Variants in SHROOM4 observed in about 807,000 individuals in gnomAD.
SHROOM4 encodes protein Shroom4.
SHROOM4 carries 17 observed loss-of-function variants against 80.3 expected under a neutral mutation model. The ratio of observed to expected loss-of-function variants is 0.21; its 90% confidence interval spans 0.14 to 0.32. SHROOM4 has a LOEUF of 0.32. Ranked by LOEUF, SHROOM4 falls within the 10% of genes least tolerant of loss-of-function variation. SHROOM4 has a pLI of 1.00. For synonymous variants in SHROOM4, 400 were observed against 437.5 expected, an observed-to-expected ratio of 0.91 and a Z score of 1.07; for missense variants, 993 against 1,140.3, an observed-to-expected ratio of 0.87 and a Z score of 1.86.
chrX:50,809,472 AC>A (rs1175355139), intron 1 of SHROOM4, among the ~76,000 whole-genome samples: 1 of 112,612 alleles, frequency 8.9e-6, no homozygotes, highest in Non-Finnish European at 1.9e-5. Flanking sequence ...AGGATGGCAA[AC>A]ACTATTAGAG....
intron 5 of SHROOM4, among the ~76,000 whole-genome samples, chrX:50,610,177 CTCT>C (rs1929892290): frequency 9.0e-6 from 1 of 111,582 alleles, no homozygotes; most frequent in African/African-American, 3.3e-5. Flanking sequence ...CTTAATTCTC[CTCT>C]TATCCCTCCC....
rs377328097 is a variant in SHROOM4 at position 50,805,662 on chromosome X, A to G, written c.117+8240T>C. Among the ~76,000 whole-genome samples, 8 of 111,954 alleles carry G rather than the reference A, an allele frequency of 7.1e-5. No homozygotes were observed. In the East Asian group the frequency reaches 2.0e-3, roughly 28 times the overall value. ...CAGCCTTCACACTTCCACAGCCTAG[A>G]CCAAGTAAGGGTCCTTAGCAACCCT... is the stretch of plus-strand genomic sequence containing the variant. On this transcript the variant is annotated intron_variant, in intron 1 of 8. Coordinates refer to ENST00000376020, the MANE Select transcript of SHROOM4 (RefSeq NM_020717.5).
intron 2 of SHROOM4, among the ~76,000 whole-genome samples, chrX:50,665,544 T>C (rs1557260286): frequency 1.8e-5 from 2 of 110,046 alleles, no homozygotes; most frequent in African/African-American, 6.6e-5. Flanking sequence ...CAGAGGTAGG[T>C]AGGTACATCA....
intron 1 of SHROOM4, among the ~76,000 whole-genome samples, chrX:50,740,099 G>A (rs1274946426): frequency 7.4e-4 from 55 of 74,529 alleles, no homozygotes; most frequent in African/African-American, 2.5e-3. Context: ...ACCAAACACC[G>A]CATGTTCTCA....
intron 1 of SHROOM4, among the ~76,000 whole-genome samples, chrX:50,701,766 C>T (rs1933523928): frequency 9.0e-6 from 1 of 111,277 alleles, no homozygotes; most frequent in East Asian, 2.8e-4. Context: ...ATTACAGACC[C>T]AATGAGAGGA....
At chrX:50,585,558 C>T (rs1910015625), downstream of SHROOM4, among the ~76,000 whole-genome samples, 1 of 111,698 alleles carries the variant, frequency 9.0e-6, no homozygotes, top group South Asian at 3.7e-4. Context: ...GGACTTCATC[C>T]TCTGGGCAGC....
chrX:50,796,563 G>C (rs1187801605), intron 1 of SHROOM4, among the ~76,000 whole-genome samples: 1 of 111,453 alleles, frequency 9.0e-6, no homozygotes, highest in Non-Finnish European at 1.9e-5. Flanking sequence ...ACCCACCTCT[G>C]AGATGAACCA....
intron 5 of SHROOM4, among the ~76,000 whole-genome samples, chrX:50,622,734 C>T (rs1045994640): frequency 1.8e-5 from 2 of 112,191 alleles, no homozygotes; most frequent in African/African-American, 6.5e-5. Flanking sequence ...CAGGATTTCT[C>T]CTCACAGATG....
At chrX:50,681,558 T>G (rs1375646856) in intron 2 of SHROOM4, among the ~76,000 whole-genome samples, 1 of 112,167 alleles carries the variant, frequency 8.9e-6, no homozygotes, top group Admixed American at 9.4e-5. Context: ...AATATCTTCA[T>G]AGTGGTCTTC....
chrX:50,726,424 T>C (rs1934244658), intron 1 of SHROOM4, among the ~76,000 whole-genome samples: 1 of 111,040 alleles, frequency 9.0e-6, no homozygotes, highest in Admixed American at 9.5e-5. Context: ...ACCAAGACAA[T>C]GGGGAAAACA....
At position 50,608,278 on chromosome X, in the gene SHROOM4, C is replaced by T. The variant is rs12009880; in HGVS notation, c.2958-94G>A. 8,036 of 789,257 alleles carry T rather than the reference C, an allele frequency of 0.01. 359 individuals are homozygous for T. In the African/African-American group the frequency reaches 0.14, roughly 14 times the overall value. The allele number at this position is 789,257 out of a possible 1,213,427, so 65.0% of individuals were successfully genotyped here. On this transcript the variant is annotated intron_variant, in intron 5 of 8. Coordinates refer to ENST00000376020, the MANE Select transcript of SHROOM4 (RefSeq NM_020717.5). ...ACATTTATATAAAATTTAAAATGTCCACAAAACAATGTAGTATGTGTAGTA... is the reference window on the plus strand; with the variant it reads ...ACATTTATATAAAATTTAAAATGTCTACAAAACAATGTAGTATGTGTAGTA...
At chrX:50,674,307 T>C (rs782204947) in intron 2 of SHROOM4, among the ~76,000 whole-genome samples, 4 of 111,360 alleles carry the variant, frequency 3.6e-5, no homozygotes, top group Non-Finnish European at 7.6e-5. Context: ...TAAGAATCAA[T>C]ATACCCAATT....
intron 5 of SHROOM4, among the ~76,000 whole-genome samples, chrX:50,625,993 T>C (rs782055585): frequency 8.9e-6 from 1 of 112,229 alleles, no homozygotes; most frequent in East Asian, 2.8e-4. Flanking sequence ...ATGCTTTACA[T>C]ATATTAATTC....
intron 2 of SHROOM4, among the ~76,000 whole-genome samples, chrX:50,670,638 C>A (rs1932787477): frequency 8.9e-6 from 1 of 111,834 alleles, no homozygotes; most frequent in Non-Finnish European, 1.9e-5. Flanking sequence ...AATCAGATCA[C>A]TGGGTCAAAT....
At chrX:50,625,938 C>T (rs927911403) in intron 5 of SHROOM4, among the ~76,000 whole-genome samples, 12 of 112,306 alleles carry the variant, frequency 1.1e-4, no homozygotes, top group African/African-American at 3.9e-4. Flanking sequence ...CTCCTCATTA[C>T]AGATAACATT....
chrX:50,607,087 A>G (rs191656468), intron 6 of SHROOM4, among the ~76,000 whole-genome samples: 3 of 111,299 alleles, frequency 2.7e-5, no homozygotes, highest in African/African-American at 9.8e-5. Flanking sequence ...ATGAAGACAC[A>G]CTAAGGAAAA....
rs200813819 is a variant in SHROOM4 at position 50,596,856 on chromosome X, G to A, written c.4321C>T (p.Arg1441Cys). Residue 1441 changes from arginine to cysteine, a missense_variant, in exon 9 of 9, where the codon CGC becomes TGC. Coordinates refer to ENST00000376020, the MANE Select transcript of SHROOM4 (RefSeq NM_020717.5). ...TGGAGCTGGTCCTGAGGCAGGTAGC[G>A]GGAGACCATGCCAAACACCAACTTC... ...REKLVFGMVS[R>C]YLPQDQLQDY... 4.5e-5 allele frequency: 54 copies of A among 1,209,564 alleles called. No homozygotes were observed. The highest frequency in any genetic ancestry group is 2.3e-4 in the Middle Eastern group (1 of 4,348).
intron 5 of SHROOM4, among the ~76,000 whole-genome samples, chrX:50,626,565 C>G (rs781870679): frequency 9.0e-6 from 1 of 111,453 alleles, no homozygotes; most frequent in Non-Finnish European, 1.9e-5. Flanking sequence ...TGAGCCTGTT[C>G]GAATTGCAGG....
rs1931133216 is a variant in SHROOM4, at chrX:50,632,989, C to G, written c.2895+189G>C. On this transcript the variant is annotated intron_variant, in intron 4 of 8. Coordinates refer to ENST00000376020, the MANE Select transcript of SHROOM4 (RefSeq NM_020717.5). The stretch of plus-strand genomic sequence containing the variant: ...TGAAGCAAAAGTTACTTTTATCTAA[C>G]CCTAAAGATGAGACAACTGCAATTT... 2.7e-5 allele frequency among the ~76,000 whole-genome samples: 3 copies of G among 112,247 alleles called. No homozygotes were observed. The South Asian group carries it at 1.1e-3, about 42-fold the overall frequency.
Sources: allele counts gnomAD v4.1 joint callset (sites outside exome capture counted in the v4.1 genomes callset), GRCh38; gene constraint gnomAD v4.1.1; transcripts MANE v1.5; gene names NCBI Gene and HGNC (gene_info 2026-07-23, HGNC 2026-07-21).